The following NPAS3 variants were observed in gnomAD, a reference collection of about 807,000 sequenced individuals.
NPAS3 encodes the protein neuronal PAS domain protein 3, also known as neuronal PAS domain-containing protein 3.
A neutral mutation model predicts 73.1 loss-of-function variants in NPAS3; 14 were observed. The observed-to-expected ratio is 0.19, with a 90% CI of 0.13 to 0.30. The LOEUF is 0.30. NPAS3 is among the 10% of genes least tolerant of loss of function. The pLI is 1.00. For synonymous variants in NPAS3, 620 were observed against 541.5 expected, an observed-to-expected ratio of 1.14 and a Z score of -2.01; for missense variants, 1,096 against 1,250.0, an observed-to-expected ratio of 0.88 and a Z score of 1.86.
At chr14:33,593,725 T>C (rs1468695713) in intron 5 of NPAS3, among the ~76,000 whole-genome samples, 1 of 152,234 alleles carries the variant, frequency 6.6e-6, no homozygotes. Flanking sequence ...TTTAAATTAA[T>C]TTACATGAAA....
At chr14:33,479,342 G>A (rs142365216) in intron 4 of NPAS3, among the ~76,000 whole-genome samples, 41 of 152,126 alleles carry the variant, frequency 2.7e-4, no homozygotes, top group African/African-American at 8.0e-4. Flanking sequence ...ATCACCACTA[G>A]TCTCTACCAG....
chr14:32,940,378 G>A (rs2035939190), intron 1 of NPAS3, among the ~76,000 whole-genome samples: 1 of 152,200 alleles, frequency 6.6e-6, no homozygotes, highest in South Asian at 2.1e-4. Context: ...CACCACCAAC[G>A]TGGTTTTCCC....
At chr14:33,770,351 C>A (rs890942172) in intron 7 of NPAS3, among the ~76,000 whole-genome samples, 4 of 152,208 alleles carry the variant, frequency 2.6e-5, no homozygotes, top group African/African-American at 7.2e-5. Context: ...TGGGAATTCA[C>A]ATGTTAACAA....
intron 4 of NPAS3, among the ~76,000 whole-genome samples, chr14:33,385,245 G>A (rs149517841): frequency 7.9e-5 from 12 of 151,622 alleles, no homozygotes; most frequent in Non-Finnish European, 1.3e-4. Flanking sequence ...TGCCTTTTTG[G>A]GGGGTAGGTG....
intron 5 of NPAS3, among the ~76,000 whole-genome samples, chr14:33,572,638 C>T (rs909205001): frequency 5.9e-5 from 9 of 152,132 alleles, no homozygotes; most frequent in Non-Finnish European, 1.0e-4. Flanking sequence ...TACCTCTGGA[C>T]GGTTTACGTA....
At chr14:33,322,457 C>A (rs375120771) in intron 3 of NPAS3, among the ~76,000 whole-genome samples, 1 of 150,330 alleles carries the variant, frequency 6.7e-6, no homozygotes, top group Non-Finnish European at 1.5e-5. Context: ...TGTATAAGTA[C>A]GGGTGTGTGT....
chr14:33,208,493 T>C (rs552130940), intron 2 of NPAS3, among the ~76,000 whole-genome samples: 83 of 152,300 alleles, frequency 5.4e-4, no homozygotes, highest in Middle Eastern at 3.4e-3. Flanking sequence ...TTTGATCTAT[T>C]TTACCACAAG....
chr14:33,544,742 G>A (rs73269048), intron 4 of NPAS3, among the ~76,000 whole-genome samples: 51,026 of 132,322 alleles, frequency 0.39, 10,723 homozygotes, highest in African/African-American at 0.56. Flanking sequence ...ATGGCAGCCC[G>A]GGCCCACTAA....
chr14:33,385,130 T>C (rs2046722898), intron 4 of NPAS3, among the ~76,000 whole-genome samples: 2 of 152,236 alleles, frequency 1.3e-5, no homozygotes, highest in Non-Finnish European at 2.9e-5. Context: ...TGTCTCTTTT[T>C]CTTGTTTCAT....
chr14:33,317,575 A>G (rs1488703067), intron 3 of NPAS3, among the ~76,000 whole-genome samples: 2 of 152,016 alleles, frequency 1.3e-5, no homozygotes, highest in African/African-American at 4.8e-5. Flanking sequence ...GGTTACTTCC[A>G]TGCTGTTCTC....
chr14:32,985,085 T>C (rs2038045084), intron 1 of NPAS3, among the ~76,000 whole-genome samples: 1 of 150,904 alleles, frequency 6.6e-6, no homozygotes, highest in South Asian at 2.1e-4. Flanking sequence ...TGGTAATGAT[T>C]ATTTGTTGAT....
intron 4 of NPAS3, among the ~76,000 whole-genome samples, chr14:33,400,848 C>T (rs1335107951): frequency 6.6e-6 from 1 of 151,798 alleles, no homozygotes; most frequent in Admixed American, 6.6e-5. Context: ...AAAAAATTAT[C>T]CCACCAAGTA....
chr14:33,163,661 C>T (rs1439432693), intron 2 of NPAS3, among the ~76,000 whole-genome samples: 8 of 131,008 alleles, frequency 6.1e-5, no homozygotes, highest in African/African-American at 2.0e-4. Flanking sequence ...GCATCTGTGT[C>T]CTTGAACCCA....
At chr14:33,469,509 A>C (rs116808160) in intron 4 of NPAS3, among the ~76,000 whole-genome samples, 248 of 152,268 alleles carry the variant, frequency 1.6e-3, no homozygotes, top group African/African-American at 5.4e-3. Context: ...AATCAGCCTT[A>C]ATGTTGTGAA....
chr14:33,245,692 AT>A, intron 3 of NPAS3, among the ~76,000 whole-genome samples: 1 of 152,306 alleles, frequency 6.6e-6, no homozygotes, highest in Admixed American at 6.5e-5. Flanking sequence ...TCCAAACCAG[AT>A]TTAACATTTC....
chr14:33,645,573 C>T (rs12588898), intron 5 of NPAS3, among the ~76,000 whole-genome samples: 3 of 152,020 alleles, frequency 2.0e-5, no homozygotes, highest in Admixed American at 6.5e-5. Flanking sequence ...TCTAGGAAAA[C>T]GATTCACTGA....
At chr14:32,951,857 ATTC>A (rs552561404) in intron 1 of NPAS3, among the ~76,000 whole-genome samples, 352 of 152,176 alleles carry the variant, frequency 2.3e-3, no homozygotes, top group African/African-American at 6.9e-3. Flanking sequence ...CTTTCTCCTA[ATTC>A]TTCTCCTTTA....
chr14:33,391,428 G>T (rs1458766434), intron 4 of NPAS3, among the ~76,000 whole-genome samples: 1 of 151,972 alleles, frequency 6.6e-6, no homozygotes, highest in Non-Finnish European at 1.5e-5. Flanking sequence ...CCCTACCTCA[G>T]GTGATCCGCC....
intron 5 of NPAS3, among the ~76,000 whole-genome samples, chr14:33,579,665 A>G (rs1272102253): frequency 6.6e-6 from 1 of 151,882 alleles, no homozygotes; most frequent in Non-Finnish European, 1.5e-5. Context: ...TCTTCATTTG[A>G]CCAACATGTA....
Sources: gnomAD v4.1 joint callset for allele counts (sites outside exome capture counted in the v4.1 genomes callset) on GRCh38, gnomAD v4.1.1 for gene constraint, MANE v1.5 for transcripts, NCBI Gene and HGNC (gene_info 2026-07-23, HGNC 2026-07-21) for gene names.